Variants in TMED3 observed in about 807,000 individuals in gnomAD.
The protein encoded by TMED3 is transmembrane p24 trafficking protein 3.
In TMED3, 9 loss-of-function variants were observed where a neutral mutation model predicts 15.0. The observed-to-expected ratio is 0.60, with a 90% CI of 0.36 to 1.04. The LOEUF (loss-of-function observed/expected upper bound fraction) is 1.04, where lower values mean the gene tolerates loss of function less well. Ranked by LOEUF, TMED3 falls within the 50% of genes least tolerant of loss-of-function variation. TMED3 has a pLI of 0.01. For missense variants in TMED3, 267 were observed against 278.9 expected (o/e 0.96, Z 0.30); for synonymous variants, 117 against 121.4 (o/e 0.96, Z 0.24).
intron 2 of TMED3, among the ~76,000 whole-genome samples, chr15:79,361,565 T>C (rs1271262736): frequency 6.6e-6 from 1 of 152,024 alleles, no homozygotes; most frequent in East Asian, 1.9e-4. Flanking sequence ...CAGGAGGAAA[T>C]GGTGAGAAGG....
intron 2 of TMED3, among the ~76,000 whole-genome samples, chr15:79,395,770 C>A (rs1042101083): frequency 1.3e-5 from 2 of 151,860 alleles, no homozygotes; most frequent in Admixed American, 1.3e-4. Context: ...TTAAATACAC[C>A]CTTTTATAGG....
At chr15:79,385,408 A>G (rs1024638385) in intron 2 of TMED3, among the ~76,000 whole-genome samples, 1 of 152,150 alleles carries the variant, frequency 6.6e-6, no homozygotes, top group East Asian at 1.9e-4. Flanking sequence ...GCTCCATCCC[A>G]TCTCAAGCAG....
chr15:79,411,488 G>A (rs750139445), exon 3 of TMED3: 3 of 702,412 alleles, frequency 4.3e-6, no homozygotes, highest in Non-Finnish European at 7.8e-6. Context: ...GGACTGGGAC[G>A]ACTGGCACCC....
chr15:79,353,951 G>T (rs2058908492), intron 2 of TMED3, among the ~76,000 whole-genome samples: 1 of 152,098 alleles, frequency 6.6e-6, no homozygotes, highest in Admixed American at 6.5e-5. Context: ...AGACAATTAT[G>T]AGCCACATTT....
downstream of TMED3, among the ~76,000 whole-genome samples, chr15:79,323,779 A>G (rs992097576): frequency 6.6e-6 from 1 of 151,972 alleles, no homozygotes. Context: ...TTTCAACCTT[A>G]AAAAAAATAG....
intron 2 of TMED3, among the ~76,000 whole-genome samples, chr15:79,317,766 C>G (rs1185218407): frequency 2.0e-5 from 3 of 152,332 alleles, no homozygotes; most frequent in Non-Finnish European, 4.4e-5. Flanking sequence ...CAATTTCCCT[C>G]CAGTCCACTC....
At chr15:79,381,077 A>C (rs1372452876) in intron 2 of TMED3, among the ~76,000 whole-genome samples, 3 of 152,202 alleles carry the variant, frequency 2.0e-5, no homozygotes, top group African/African-American at 7.2e-5. Context: ...TAAGAATGAC[A>C]GTCGAGGCAC....
intron 2 of TMED3, among the ~76,000 whole-genome samples, chr15:79,373,190 T>A (rs1485873984): frequency 1.3e-5 from 2 of 152,246 alleles, no homozygotes; most frequent in African/African-American, 2.4e-5. Context: ...ATCATGCAGA[T>A]AAGACCAGTC....
intron 2 of TMED3, among the ~76,000 whole-genome samples, chr15:79,376,821 C>T (rs985238165): frequency 2.0e-5 from 3 of 152,150 alleles, no homozygotes; most frequent in African/African-American, 7.2e-5. Context: ...TTCCTGGAAT[C>T]ATCTAGCTGG....
intron 2 of TMED3, among the ~76,000 whole-genome samples, chr15:79,335,898 G>C (rs1208532394): frequency 1.3e-5 from 2 of 151,878 alleles, no homozygotes; most frequent in Non-Finnish European, 2.9e-5. Context: ...GTGCTTTTTT[G>C]TGTGGCATTT....
chr15:79,376,397 C>A (rs190797752), intron 2 of TMED3, among the ~76,000 whole-genome samples: 111 of 152,244 alleles, frequency 7.3e-4, no homozygotes, highest in African/African-American at 2.6e-3. Flanking sequence ...GAGAGTTATG[C>A]AATGTCAGAA....
chr15:79,411,546 G>T (rs1893979960), exon 3 of TMED3: 2 of 699,878 alleles, frequency 2.9e-6, no homozygotes, highest in South Asian at 3.0e-5. Flanking sequence ...ATGGAGGGAA[G>T]ACACAGAAGC....
intron 2 of TMED3, among the ~76,000 whole-genome samples, chr15:79,406,772 C>G (rs750276773): frequency 2.6e-5 from 4 of 152,170 alleles, no homozygotes; most frequent in African/African-American, 4.8e-5. Context: ...TCTTACCCCC[C>G]GCAGGAATAC....
At chr15:79,407,797 G>T (rs61528089) in intron 2 of TMED3, among the ~76,000 whole-genome samples, 71,934 of 152,038 alleles carry the variant, frequency 0.47, 17,392 homozygotes, top group East Asian at 0.68. Flanking sequence ...GTTTGCTCAC[G>T]CCTGCTTTGC....
chr15:79,332,423 A>T (rs893077240), intron 2 of TMED3, among the ~76,000 whole-genome samples: 2 of 152,230 alleles, frequency 1.3e-5, no homozygotes, highest in Admixed American at 6.5e-5. Flanking sequence ...GGTGAGGTGG[A>T]TGAGTTAAAA....
chr15:79,369,105 A>G (rs1171352676), intron 2 of TMED3, among the ~76,000 whole-genome samples: 1 of 152,002 alleles, frequency 6.6e-6, no homozygotes, highest in East Asian at 1.9e-4. Flanking sequence ...AAAAAAAAAA[A>G]AAAAAGAAAT....
intron 2 of TMED3, among the ~76,000 whole-genome samples, chr15:79,350,759 T>C (rs971297844): frequency 6.6e-6 from 1 of 152,112 alleles, no homozygotes; most frequent in African/African-American, 2.4e-5. Context: ...ATATTAACCA[T>C]CACAATGAAT....
intron 2 of TMED3, among the ~76,000 whole-genome samples, chr15:79,410,289 G>A (rs1413767017): frequency 6.6e-6 from 1 of 152,064 alleles, no homozygotes; most frequent in Non-Finnish European, 1.5e-5. Context: ...AAATGACAAA[G>A]CAACCCATTC....
intron 2 of TMED3, among the ~76,000 whole-genome samples, chr15:79,347,542 C>A (rs1318023207): frequency 6.6e-6 from 1 of 152,012 alleles, no homozygotes; most frequent in Non-Finnish European, 1.5e-5. Context: ...GGCAATCAGG[C>A]AAGGGAAAGA....
Sources: gnomAD v4.1 joint callset for allele counts (sites outside exome capture counted in the v4.1 genomes callset) on GRCh38, gnomAD v4.1.1 for gene constraint, MANE v1.5 for transcripts, NCBI Gene and HGNC (gene_info 2026-07-23, HGNC 2026-07-21) for gene names.